Variants in ARID1B observed in about 807,000 individuals in gnomAD.
ARID1B encodes AT-rich interactive domain-containing protein 1B.
Under a neutral mutation model 212.3 loss-of-function variants are expected in ARID1B, and 30 were observed. The observed-to-expected ratio is 0.14, with a 90% CI of 0.11 to 0.19. The LOEUF is 0.19. Among genes scored for constraint, ARID1B ranks in the 10% least tolerant of loss-of-function variants. The pLI is 1.00. For synonymous variants in ARID1B, 1,402 were observed against 1,301.7 expected (o/e 1.08, Z -1.66); for missense variants, 2,891 against 3,204.0 (o/e 0.90, Z 2.36).
intron 4 of ARID1B, among the ~76,000 whole-genome samples, chr6:156,945,254 TTTTTTTTTTTTTTTG>T (rs1793023886): frequency 1.6e-5 from 2 of 124,302 alleles, no homozygotes; most frequent in African/African-American, 3.1e-5. Context: ...TTTTTTTTTT[TTTTTTTTTTTTTTTG>T]TGAGTGTTTA....
Position 157,141,818 on chromosome 6 carries a change from A to G in ARID1B, c.2762-6806A>G, listed in dbSNP as rs560195890. On this transcript the variant is annotated intron_variant, in intron 7 of 19. Transcript: ENST00000636930. ...AAGTGCTGGCAGTTAGAACTCTCAC[A>G]CAGTATTTGATGGGAATATATACAA... 2.0e-5 allele frequency among the ~76,000 whole-genome samples: 3 copies of G among 152,318 alleles called. No individual in the cohort carries two copies. In the East Asian group the frequency reaches 5.8e-4, roughly 29 times the overall value.
chr6:156,897,732 A>G (rs1321075322), intron 2 of ARID1B, among the ~76,000 whole-genome samples: 2 of 152,096 alleles, frequency 1.3e-5, no homozygotes, highest in African/African-American at 4.8e-5. Flanking sequence ...CAGGACTTCC[A>G]TGGGCCAGCA....
chr6:157,014,062 C>A (rs1423936574), intron 4 of ARID1B, among the ~76,000 whole-genome samples: 3 of 152,138 alleles, frequency 2.0e-5, no homozygotes, highest in Non-Finnish European at 2.9e-5. Context: ...CTTTGGGGGA[C>A]AAAAGAAAGG....
intron 8 of ARID1B, among the ~76,000 whole-genome samples, chr6:157,159,474 A>G (rs145751843): frequency 6.6e-6 from 1 of 152,218 alleles, no homozygotes; most frequent in Non-Finnish European, 1.5e-5. Flanking sequence ...ACCTGCATTG[A>G]AGCAAAAAGG....
intron 1 of ARID1B, among the ~76,000 whole-genome samples, chr6:156,802,936 T>C (rs948508623): frequency 6.6e-6 from 1 of 152,230 alleles, no homozygotes; most frequent in Admixed American, 6.5e-5. Context: ...ACTACAAATA[T>C]GAAAAACAAT....
chr6:156,784,521 C>G (rs1170280939), intron 1 of ARID1B, among the ~76,000 whole-genome samples: 1 of 152,126 alleles, frequency 6.6e-6, no homozygotes, highest in Non-Finnish European at 1.5e-5. Context: ...GATAAAATGA[C>G]TTAGGTATCA....
At chr6:156,972,129 T>C (rs1269994781) in intron 4 of ARID1B, among the ~76,000 whole-genome samples, 1 of 152,224 alleles carries the variant, frequency 6.6e-6, no homozygotes, top group East Asian at 1.9e-4. Flanking sequence ...GTTAAAATAG[T>C]TCTTTTTATT....
At chr6:157,038,850 G>A (rs1265053333) in intron 4 of ARID1B, among the ~76,000 whole-genome samples, 2 of 152,052 alleles carry the variant, frequency 1.3e-5, no homozygotes, top group Admixed American at 6.5e-5. Flanking sequence ...CTGCCCTGCT[G>A]TGTGAAGCTT....
At chr6:156,793,421 G>C (rs895047254) in intron 1 of ARID1B, among the ~76,000 whole-genome samples, 1 of 152,054 alleles carries the variant, frequency 6.6e-6, no homozygotes, top group African/African-American at 2.4e-5. Flanking sequence ...GTCATGGCTC[G>C]ACTTTCTGGG....
At chr6:157,170,554 A>G (rs1791649656) in intron 9 of ARID1B, among the ~76,000 whole-genome samples, 1 of 152,248 alleles carries the variant, frequency 6.6e-6, no homozygotes, top group Admixed American at 6.5e-5. Flanking sequence ...TGAAAACCAA[A>G]TCTCTTAAAC....
chr6:157,010,383 G>T (rs1779520906), intron 4 of ARID1B, among the ~76,000 whole-genome samples: 2 of 150,504 alleles, frequency 1.3e-5, no homozygotes. Flanking sequence ...GAGTGCAGTG[G>T]CTGATCTTGG....
chr6:156,852,311 G>A (rs1026317835), intron 2 of ARID1B, among the ~76,000 whole-genome samples: 13 of 152,104 alleles, frequency 8.5e-5, no homozygotes, highest in African/African-American at 2.2e-4. Context: ...TTAGCAGGGC[G>A]TGGTGATGTG....
intron 3 of ARID1B, among the ~76,000 whole-genome samples, chr6:156,921,256 T>C (rs550850810): frequency 1.5e-4 from 23 of 152,270 alleles, no homozygotes; most frequent in African/African-American, 5.3e-4. Flanking sequence ...TGGAGGTGTT[T>C]AACATAAAGT....
chr6:157,146,762 A>G (rs1285715584), intron 7 of ARID1B, among the ~76,000 whole-genome samples: 1 of 152,232 alleles, frequency 6.6e-6, no homozygotes, highest in African/African-American at 2.4e-5. Context: ...TAGTAAGTGT[A>G]TAGTTATGTT....
chr6:156,873,686 C>T (rs1003900111), intron 2 of ARID1B, among the ~76,000 whole-genome samples: 1 of 152,206 alleles, frequency 6.6e-6, no homozygotes, highest in Non-Finnish European at 1.5e-5. Context: ...ACTGCAGTAC[C>T]TGTGTGCTTT....
At chr6:157,028,434 T>C (rs1165042508) in intron 4 of ARID1B, among the ~76,000 whole-genome samples, 1 of 152,232 alleles carries the variant, frequency 6.6e-6, no homozygotes, top group African/African-American at 2.4e-5. Context: ...AGATACAGTT[T>C]ACATAAAGAT....
intron 3 of ARID1B, among the ~76,000 whole-genome samples, chr6:156,903,338 A>T (rs1462277546): frequency 6.6e-6 from 1 of 152,230 alleles, no homozygotes; most frequent in Admixed American, 6.5e-5. Context: ...ATACTCTATA[A>T]CCATGACTTT....
At chr6:157,060,377 T>C (rs1783260851) in intron 4 of ARID1B, among the ~76,000 whole-genome samples, 1 of 152,186 alleles carries the variant, frequency 6.6e-6, no homozygotes, top group Admixed American at 6.5e-5. Flanking sequence ...TTAATAATTA[T>C]TTGCAAAGTA....
chr6:157,063,622 A>T (rs1783492322), intron 4 of ARID1B, among the ~76,000 whole-genome samples: 1 of 152,214 alleles, frequency 6.6e-6, no homozygotes, highest in African/African-American at 2.4e-5. Flanking sequence ...TACCAACATA[A>T]AATGTGTGTA....
Sources: allele counts gnomAD v4.1 joint callset (sites outside exome capture counted in the v4.1 genomes callset), GRCh38; gene constraint gnomAD v4.1.1; transcripts MANE v1.5; gene names NCBI Gene and HGNC (gene_info 2026-07-23, HGNC 2026-07-21).